LRCH3: variants seen among roughly 807,000 people sequenced by gnomAD.
The protein encoded by LRCH3 is DISP complex protein LRCH3.
A neutral mutation model predicts 104.5 loss-of-function variants in LRCH3; 68 were observed. That is an observed-to-expected ratio of 0.65 (90% CI 0.54 to 0.80). LRCH3 has a LOEUF of 0.80. Ranked by LOEUF, LRCH3 falls within the 30% of genes least tolerant of loss-of-function variation. The pLI is 0.00. For missense variants in LRCH3, 951 were observed against 953.9 expected, an observed-to-expected ratio of 1.00 and a Z score of 0.04; for synonymous variants, 344 against 361.3, an observed-to-expected ratio of 0.95 and a Z score of 0.54.
At chr3:197,792,592 T>TATATATATATATATATAA (rs1293843574) in intron 1 of LRCH3, among the ~76,000 whole-genome samples, 1 of 73,042 alleles carries the variant, frequency 1.4e-5, no homozygotes, top group African/African-American at 4.3e-5. Flanking sequence ...TATATATATA[T>TATATATATATATATATAA]ATATATATAT....
chr3:197,835,566 G>A, intron 8 of LRCH3, 108 bp from the exon 9 acceptor site: 6 of 1,171,676 alleles, frequency 5.1e-6, no homozygotes, highest in African/African-American at 1.7e-5. Context: ...TTTCAAAATA[G>A]AAAATCATGG....
intron 1 of LRCH3, among the ~76,000 whole-genome samples, chr3:197,807,538 C>A (rs1352513858): frequency 1.3e-5 from 2 of 151,956 alleles, no homozygotes; most frequent in African/African-American, 4.8e-5. Context: ...GTTTTTAAAT[C>A]CACTTTGCTA....
chr3:197,879,250 A>G (rs1713267735), intron 20 of LRCH3, among the ~76,000 whole-genome samples: 1 of 152,180 alleles, frequency 6.6e-6, no homozygotes, highest in Non-Finnish European at 1.5e-5. Flanking sequence ...TATTTATTTA[A>G]TGAATTTTGC....
At chr3:197,835,152 A>G (rs1025715484) in intron 8 of LRCH3, among the ~76,000 whole-genome samples, 1 of 152,254 alleles carries the variant, frequency 6.6e-6, no homozygotes, top group Non-Finnish European at 1.5e-5. Flanking sequence ...TCAAAAAAAC[A>G]AAACAAAATA....
Position 197,871,448 on chromosome 3 carries a change from C to T in LRCH3, c.2116C>T (p.Pro706Ser). ...RPRSVPSIHV[P>S]SPAVPKLTMA... Reference sequence around the variant, plus strand: ...TCGATCTGTCCCAAGCATTCATGTTCCCTCACCAGCTGTAGTAAGTTGATA... The same window carrying T: ...TCGATCTGTCCCAAGCATTCATGTTTCCTCACCAGCTGTAGTAAGTTGATA... The change falls in exon 19 of 21, where the codon CCC becomes TCC. Residue 706 changes from proline (P) to serine (S), a missense_variant. By Grantham distance (74) the Pro-to-Ser change is moderately conservative. Coordinates refer to ENST00000425562, the MANE Select transcript of LRCH3 (RefSeq NM_001365715.1). 1 of 1,613,658 alleles carries T rather than the reference C, an allele frequency of 6.2e-7. No homozygotes were observed. Among genetic ancestry groups the T allele is most frequent in the South Asian group, 1.1e-5 (1 of 91,044 alleles).
chr3:197,880,074 T>G (rs113569686), intron 20 of LRCH3, among the ~76,000 whole-genome samples: 1 of 147,762 alleles, frequency 6.8e-6, no homozygotes, highest in African/African-American at 2.6e-5. Flanking sequence ...GCCTCCCGAG[T>G]AGCTGGGACT....
intron 15 of LRCH3, among the ~76,000 whole-genome samples, chr3:197,862,089 A>G (rs1469758824): frequency 6.6e-6 from 1 of 152,002 alleles, no homozygotes; most frequent in East Asian, 1.9e-4. Context: ...TCTGCCTCCC[A>G]GTTTCAAGTG....
At chr3:197,807,994 G>A (rs1195458483) in intron 1 of LRCH3, among the ~76,000 whole-genome samples, 1 of 152,142 alleles carries the variant, frequency 6.6e-6, no homozygotes, top group East Asian at 1.9e-4. Flanking sequence ...GAGAAGGAAA[G>A]TCTTTTATAT....
At position 197,854,275 on chromosome 3, in the gene LRCH3, A is replaced by G; in HGVS notation, c.1591-117A>G. On this transcript the variant is annotated intron_variant, in intron 13 of 20. Coordinates refer to ENST00000425562, the MANE Select transcript of LRCH3 (RefSeq NM_001365715.1). The surrounding 1 kb of genome is among the most constrained non-coding windows in gnomAD (Gnocchi z 4.5). ...GATTGTGAATGTGGTCCTCTATGTCAACGTCTTCAAAAGTATGTCTTAATA... is the reference window on the plus strand; with the variant it reads ...GATTGTGAATGTGGTCCTCTATGTCGACGTCTTCAAAAGTATGTCTTAATA... 1.2e-6 allele frequency: 1 copy of G among 862,544 alleles called. No homozygotes were observed. Among genetic ancestry groups the G allele is most frequent in the South Asian group, 1.4e-5 (1 of 73,960 alleles). The allele number at this position is 862,544 out of a possible 1,614,324, so 53.4% of individuals were successfully genotyped here.
chr3:197,832,033 A>G (rs1451011366), intron 7 of LRCH3, among the ~76,000 whole-genome samples, 164 bp from the exon 8 acceptor site: 3 of 152,170 alleles, frequency 2.0e-5, no homozygotes, highest in Admixed American at 6.6e-5. Flanking sequence ...TCTCGCCTCA[A>G]CATCCCAAGT....
intron 10 of LRCH3, among the ~76,000 whole-genome samples, chr3:197,846,689 T>C (rs1028089814): frequency 2.0e-5 from 3 of 152,168 alleles, no homozygotes; most frequent in African/African-American, 7.2e-5. Flanking sequence ...ATCAGCCTGA[T>C]AGGCTAATCA....
At chr3:197,791,988 T>G (rs796670546) in intron 1 of LRCH3, among the ~76,000 whole-genome samples, 2 of 149,862 alleles carry the variant, frequency 1.3e-5, no homozygotes, top group South Asian at 4.3e-4. Flanking sequence ...AGCCCTGGAG[T>G]TTTTTCGAAA....
At chr3:197,792,466 G>A (rs1730637658) in intron 1 of LRCH3, among the ~76,000 whole-genome samples, 1 of 148,554 alleles carries the variant, frequency 6.7e-6, no homozygotes, top group Non-Finnish European at 1.5e-5. Flanking sequence ...TGTTTGCAGT[G>A]CCGTCATCAC....
At chr3:197,818,719 T>C (rs752147723) in intron 3 of LRCH3, among the ~76,000 whole-genome samples, 10 of 152,236 alleles carry the variant, frequency 6.6e-5, no homozygotes, top group South Asian at 4.1e-4. Context: ...TTTCTACTTA[T>C]TCAATCCTAA....
intron 15 of LRCH3, among the ~76,000 whole-genome samples, chr3:197,860,317 T>A (rs1337579489): frequency 6.6e-6 from 1 of 152,210 alleles, no homozygotes; most frequent in African/African-American, 2.4e-5. Flanking sequence ...AAATGACAGT[T>A]ACTTTCCACG....
chr3:197,857,681 C>G (rs1488403699), intron 14 of LRCH3, among the ~76,000 whole-genome samples: 1 of 152,198 alleles, frequency 6.6e-6, no homozygotes, highest in African/African-American at 2.4e-5. Context: ...TTATATTTGA[C>G]ATTGGCAGTA....
intron 15 of LRCH3, among the ~76,000 whole-genome samples, chr3:197,864,621 AAAC>A: frequency 6.6e-6 from 1 of 150,940 alleles, no homozygotes; most frequent in South Asian, 2.1e-4. Context: ...AAAAAAAAAA[AAAC>A]AAAAAACAAA....
intron 1 of LRCH3, among the ~76,000 whole-genome samples, chr3:197,806,660 C>T (rs906189678): frequency 6.6e-6 from 1 of 151,464 alleles, no homozygotes; most frequent in Admixed American, 6.6e-5. Context: ...AGGTGGATCA[C>T]CTGAGGTCAG....
At position 197,791,334 on chromosome 3, in the gene LRCH3, T is replaced by C. The variant is rs1580488280; in HGVS notation, c.56T>C (p.Val19Ala). 5.6e-6 allele frequency: 9 copies of C among 1,609,042 alleles called. No homozygotes were observed. The highest frequency in any genetic ancestry group is 7.6e-6 in the Non-Finnish European group (9 of 1,178,688). The change falls in exon 1 of 21, where the codon GTA becomes GCA. Residue 19 changes from valine (V) to alanine (A), a missense_variant. Physicochemically the swap from Val to Ala is moderately conservative, Grantham distance 64 (BLOSUM62 0). Coordinates refer to ENST00000425562, the MANE Select transcript of LRCH3 (RefSeq NM_001365715.1). ...GCGGCTGCCGAGTACTCTGGCACGG[T>C]AGCGTCGGGAGGTAACCTCCCTGGT... is the stretch of plus-strand genomic sequence containing the variant. The part of the protein sequence containing the change: ...VAAAAEYSGT[V>A]ASGGNLPGVH...
Sources: gnomAD v4.1 joint callset for allele counts (sites outside exome capture counted in the v4.1 genomes callset) on GRCh38, gnomAD v4.1.1 for gene constraint, Gnocchi (gnomAD v3.1) non-coding constraint, MANE v1.5 for transcripts, NCBI Gene and HGNC (gene_info 2026-07-23, HGNC 2026-07-21) for gene names.